Variants in HYCC2 observed in about 807,000 individuals in gnomAD.
HYCC2 encodes the protein hyccin 2.
chr2:200,989,664 A>G, the HYCC2 span, among the ~76,000 whole-genome samples: 1 of 151,740 alleles, frequency 6.6e-6, no homozygotes, highest in Admixed American at 6.6e-5. Flanking sequence ...AAATACGAAA[A>G]TTTGCTGGGT....
the HYCC2 span, among the ~76,000 whole-genome samples, chr2:201,035,812 C>T: frequency 3.1e-4 from 47 of 152,150 alleles, 1 homozygote; most frequent in South Asian, 1.0e-3. Context: ...GTTAATTTTC[C>T]TTCTAATAGT....
At chr2:201,007,606 G>A in the HYCC2 span, among the ~76,000 whole-genome samples, 1 of 152,174 alleles carries the variant, frequency 6.6e-6, no homozygotes, top group Non-Finnish European at 1.5e-5. Flanking sequence ...TTTGCTCCTA[G>A]GAAGTTAATC....
chr2:201,008,904 C>T, the HYCC2 span: 1 of 947,234 alleles, frequency 1.1e-6, no homozygotes, highest in Non-Finnish European at 1.7e-6. Context: ...CTCTGTCATT[C>T]ATTCATTCAT....
the HYCC2 span, among the ~76,000 whole-genome samples, chr2:201,016,124 G>A: frequency 2.0e-5 from 3 of 151,582 alleles, no homozygotes; most frequent in African/African-American, 7.3e-5. Context: ...CATAAATATT[G>A]GTCAAATAAA....
the HYCC2 span, among the ~76,000 whole-genome samples, chr2:201,034,072 T>C: frequency 1.3e-5 from 2 of 151,990 alleles, no homozygotes. Flanking sequence ...ATTAAATATC[T>C]ATAGTTTCCA....
chr2:201,040,186 AG>A, the HYCC2 span, among the ~76,000 whole-genome samples: 10 of 151,628 alleles, frequency 6.6e-5, no homozygotes, highest in Non-Finnish European at 1.3e-4. Context: ...AAAAAAAAAA[AG>A]TGAGGAAATA....
At chr2:201,035,711 T>C in the HYCC2 span, among the ~76,000 whole-genome samples, 3 of 152,132 alleles carry the variant, frequency 2.0e-5, no homozygotes, top group Non-Finnish European at 4.4e-5. Flanking sequence ...TTCTGCTCTG[T>C]TTTTTCCCCA....
chr2:201,064,771 T>C, the HYCC2 span, among the ~76,000 whole-genome samples: 2 of 152,254 alleles, frequency 1.3e-5, no homozygotes, highest in East Asian at 1.9e-4. Flanking sequence ...AAAAATCTTC[T>C]GTGTATCTGC....
At chr2:200,997,398 A>G in the HYCC2 span, 2 of 1,312,080 alleles carry the variant, frequency 1.5e-6, no homozygotes, top group Non-Finnish European at 2.2e-6. Context: ...TGCTCAATAA[A>G]TATCTATCAA....
At chr2:201,026,970 AG>A in the HYCC2 span, among the ~76,000 whole-genome samples, 1 of 152,222 alleles carries the variant, frequency 6.6e-6, no homozygotes, top group Non-Finnish European at 1.5e-5. Flanking sequence ...AGATCAGAGC[AG>A]AACTGAGGAG....
At chr2:200,988,164 T>A in the HYCC2 span, 2 of 991,162 alleles carry the variant, frequency 2.0e-6, no homozygotes, top group Non-Finnish European at 2.8e-6. Flanking sequence ...TTACTTTAAT[T>A]ATACAGGGTC....
the HYCC2 span, among the ~76,000 whole-genome samples, chr2:201,068,112 C>T: frequency 6.6e-6 from 1 of 151,998 alleles, no homozygotes; most frequent in Non-Finnish European, 1.5e-5. Context: ...TGGAGAAATC[C>T]CGTCTCTACT....
chr2:201,056,170 G>A, the HYCC2 span, among the ~76,000 whole-genome samples: 5 of 151,780 alleles, frequency 3.3e-5, no homozygotes, highest in Non-Finnish European at 7.4e-5. Flanking sequence ...CTCCAACCTG[G>A]GCAAGAGTGC....
At chr2:201,035,892 C>T in the HYCC2 span, among the ~76,000 whole-genome samples, 1 of 152,132 alleles carries the variant, frequency 6.6e-6, no homozygotes, top group Non-Finnish European at 1.5e-5. Flanking sequence ...GCCTGGATAT[C>T]AGCAGTGGAG....
At chr2:201,031,934 C>T in the HYCC2 span, among the ~76,000 whole-genome samples, 1 of 152,114 alleles carries the variant, frequency 6.6e-6, no homozygotes, top group Non-Finnish European at 1.5e-5. Context: ...ACAAGGACTG[C>T]AATCATTTAT....
the HYCC2 span, among the ~76,000 whole-genome samples, chr2:201,058,190 T>A: frequency 6.6e-6 from 1 of 152,166 alleles, no homozygotes; most frequent in Admixed American, 6.5e-5. Flanking sequence ...CATACAACCC[T>A]GCATCAATTC....
At chr2:201,050,041 T>C in the HYCC2 span, among the ~76,000 whole-genome samples, 1 of 150,832 alleles carries the variant, frequency 6.6e-6, no homozygotes, top group South Asian at 2.1e-4. Context: ...AAAGAAGAAA[T>C]CTCTACAAAA....
the HYCC2 span, among the ~76,000 whole-genome samples, chr2:201,024,844 A>G: frequency 6.6e-6 from 1 of 152,286 alleles, no homozygotes; most frequent in East Asian, 1.9e-4. Flanking sequence ...AGCTGGGCAC[A>G]GTGGCTCATG....
the HYCC2 span, among the ~76,000 whole-genome samples, chr2:201,028,020 A>G: frequency 6.6e-6 from 1 of 152,204 alleles, no homozygotes; most frequent in Non-Finnish European, 1.5e-5. Flanking sequence ...GAAGAAGTCA[A>G]ATTGTCCCTC....
Sources: allele counts gnomAD v4.1 joint callset (sites outside exome capture counted in the v4.1 genomes callset), GRCh38; gene constraint gnomAD v4.1.1; transcripts MANE v1.5; gene names NCBI Gene and HGNC (gene_info 2026-07-23, HGNC 2026-07-21).